CWH43: variants seen among roughly 807,000 people sequenced by gnomAD.
CWH43 encodes the protein cell wall biogenesis 43 C-terminal homolog, also known as PGAP2-interacting protein.
Under a neutral mutation model 85.7 loss-of-function variants are expected in CWH43, and 91 were observed. That is an observed-to-expected ratio of 1.06 (90% CI 0.90 to 1.26). The LOEUF (loss-of-function observed/expected upper bound fraction) is 1.26, where lower values mean the gene tolerates loss of function less well. Ranked by LOEUF, CWH43 falls within the 50% of genes most tolerant of loss-of-function variation. The pLI, the probability that CWH43 is intolerant of heterozygous loss-of-function variation, is 0.00. For synonymous variants in CWH43, 323 were observed against 293.6 expected (o/e 1.10, Z -1.02); for missense variants, 869 against 839.2 (o/e 1.04, Z -0.44).
At chr4:49,058,249 T>G (rs1295333074) in intron 15 of CWH43, among the ~76,000 whole-genome samples, 1 of 152,194 alleles carries the variant, frequency 6.6e-6, no homozygotes, top group African/African-American at 2.4e-5. Flanking sequence ...TTATCATCTG[T>G]GTATCTACTA....
intron 10 of CWH43, among the ~76,000 whole-genome samples, chr4:49,029,561 C>A (rs539763950): frequency 1.4e-4 from 22 of 152,298 alleles, no homozygotes; most frequent in African/African-American, 5.3e-4. Context: ...AAGAGGAAGG[C>A]CTCTTGCAGT....
chr4:49,059,922 A>C (rs934051044), intron 15 of CWH43, among the ~76,000 whole-genome samples: 3 of 152,112 alleles, frequency 2.0e-5, no homozygotes, highest in African/African-American at 7.2e-5. Flanking sequence ...GCCTGGATCC[A>C]TTGGGATAGA....
At chr4:49,001,644 G>A (rs1349725412) in intron 6 of CWH43, among the ~76,000 whole-genome samples, 5 of 152,058 alleles carry the variant, frequency 3.3e-5, no homozygotes, top group Admixed American at 6.6e-5. Context: ...CATTTGAATT[G>A]TAATTTTGAA....
chr4:49,019,043 T>C (rs1194539645), intron 9 of CWH43, among the ~76,000 whole-genome samples: 1 of 152,218 alleles, frequency 6.6e-6, no homozygotes. Flanking sequence ...CCTGTTCTTT[T>C]GGTCATTTGC....
At chr4:49,056,983 A>G (rs1475734754) in intron 15 of CWH43, among the ~76,000 whole-genome samples, 1 of 152,194 alleles carries the variant, frequency 6.6e-6, no homozygotes, top group Non-Finnish European at 1.5e-5. Flanking sequence ...TTAATTTATA[A>G]TTTAACTATT....
At chr4:49,031,238 C>T in intron 11 of CWH43, 1 of 322,324 alleles carries the variant, frequency 3.1e-6, no homozygotes, top group Non-Finnish European at 5.6e-6. Context: ...CCTCATGGAG[C>T]TTACCTTCCA....
At chr4:48,994,407 C>A (rs568023640) in intron 4 of CWH43, among the ~76,000 whole-genome samples, 1 of 152,304 alleles carries the variant, frequency 6.6e-6, no homozygotes, top group Admixed American at 6.5e-5. Context: ...TCCCTTAAAC[C>A]ATTCCTTATC....
intron 10 of CWH43, among the ~76,000 whole-genome samples, chr4:49,029,054 G>A (rs1176496547): frequency 6.6e-6 from 1 of 152,116 alleles, no homozygotes; most frequent in Non-Finnish European, 1.5e-5. Context: ...GTCACCTGGG[G>A]ACCCACTGTT....
At chr4:49,024,717 C>A (rs1278993148) in intron 9 of CWH43, among the ~76,000 whole-genome samples, 1 of 152,086 alleles carries the variant, frequency 6.6e-6, no homozygotes, top group Non-Finnish European at 1.5e-5. Context: ...GCTGAGATAT[C>A]TGCTGTTAAT....
intron 12 of CWH43, among the ~76,000 whole-genome samples, chr4:49,035,674 C>T (rs1481026788): frequency 2.6e-5 from 4 of 152,154 alleles, no homozygotes; most frequent in Non-Finnish European, 5.9e-5. Flanking sequence ...CATATGTGAG[C>T]TCTCTCTCTT....
intron 8 of CWH43, among the ~76,000 whole-genome samples, chr4:49,009,081 ATGATAT>A (rs1577668186): frequency 6.6e-6 from 1 of 152,158 alleles, no homozygotes; most frequent in East Asian, 1.9e-4. Flanking sequence ...GGCCATTTTC[ATGATAT>A]TGATTCTTCC....
At chr4:49,000,590 G>A (rs1203293041) in intron 6 of CWH43, among the ~76,000 whole-genome samples, 2 of 152,186 alleles carry the variant, frequency 1.3e-5, no homozygotes, top group Non-Finnish European at 2.9e-5. Flanking sequence ...GAAATGCATT[G>A]AGCGTTTGTT....
intron 14 of CWH43, among the ~76,000 whole-genome samples, chr4:49,048,729 TTTAACCTTAA>T (rs1784708361): frequency 6.6e-6 from 1 of 152,074 alleles, no homozygotes; most frequent in Non-Finnish European, 1.5e-5. Flanking sequence ...TATGACCTCA[TTTAACCTTAA>T]TTATTTCCTT....
At chr4:48,999,748 C>A (rs1280331598) in intron 6 of CWH43, among the ~76,000 whole-genome samples, 1 of 152,146 alleles carries the variant, frequency 6.6e-6, no homozygotes, top group African/African-American at 2.4e-5. Context: ...TTTAGAGTTC[C>A]ATGATGAAGC....
rs77339666 is a variant in CWH43, at chr4:49,019,511, T to C, written c.1266+2183T>C. ...CATACCAGGGCCTTGTAGAACACAGTGAGAAGTGCTGCTTTTATTTTTTAT... is the reference window on the plus strand; with the variant it reads ...CATACCAGGGCCTTGTAGAACACAGCGAGAAGTGCTGCTTTTATTTTTTAT... On this transcript the variant is annotated intron_variant, in intron 9 of 15. Transcript: ENST00000226432. Among the ~76,000 whole-genome samples, 5 of 152,138 alleles carry C rather than the reference T, an allele frequency of 3.3e-5. No homozygotes were observed. The East Asian group carries it at 7.7e-4, about 23-fold the overall frequency.
intron 15 of CWH43, among the ~76,000 whole-genome samples, chr4:49,055,796 G>A (rs1442169815): frequency 6.6e-6 from 1 of 152,074 alleles, no homozygotes; most frequent in African/African-American, 2.4e-5. Context: ...CGCCATGTTG[G>A]CCAGGCTGGT....
In CWH43 at chr4:48,986,360, G is replaced by C; in HGVS notation, c.-70G>C. 4 of 1,446,494 alleles carry C rather than the reference G, an allele frequency of 2.8e-6. No homozygotes were observed. Among genetic ancestry groups the C allele is most frequent in the East Asian group, 2.6e-5 (1 of 38,888 alleles). 89.6% of individuals were successfully genotyped at this position (1,446,494 alleles called of 1,614,324 possible). On this transcript the variant is annotated 5_prime_UTR_variant, in exon 1 of 16. Coordinates refer to ENST00000226432, the MANE Select transcript of CWH43 (RefSeq NM_025087.3). ...GGAGGACGCGGCGGCGGGAACCTGG[G>C]GGCGCAGGGCTAGGGCAGCGGGCCC...
At chr4:49,029,253 A>G (rs1402515763) in intron 10 of CWH43, among the ~76,000 whole-genome samples, 1 of 152,238 alleles carries the variant, frequency 6.6e-6, no homozygotes, top group Admixed American at 6.5e-5. Flanking sequence ...GCTCACAGAA[A>G]CATGTGCTGT....
chr4:49,053,865 A>C (rs536159013), intron 15 of CWH43, among the ~76,000 whole-genome samples: 3 of 152,168 alleles, frequency 2.0e-5, no homozygotes, highest in Non-Finnish European at 2.9e-5. Context: ...ATATTCCAAA[A>C]ATGAATCCAA....
Sources: gnomAD v4.1 joint callset for allele counts (sites outside exome capture counted in the v4.1 genomes callset) on GRCh38, gnomAD v4.1.1 for gene constraint, MANE v1.5 for transcripts, NCBI Gene and HGNC (gene_info 2026-07-23, HGNC 2026-07-21) for gene names.